Variants in PSMC5 observed in about 807,000 individuals in gnomAD.
PSMC5 encodes the protein proteasome 26S subunit, ATPase 5.
Under a neutral mutation model 49.1 loss-of-function variants are expected in PSMC5, and 11 were observed. That is an observed-to-expected ratio of 0.22 (90% confidence interval 0.14 to 0.37). The LOEUF (loss-of-function observed/expected upper bound fraction) is 0.37. Ranked by LOEUF, PSMC5 falls within the 10% of genes least tolerant of loss-of-function variation. PSMC5 has a pLI of 1.00. For missense variants in PSMC5, 229 were observed against 520.9 expected (o/e 0.44, Z 5.45); for synonymous variants, 206 against 192.2 (o/e 1.07, Z -0.59).
intron 1 of PSMC5, 62 bp from the exon 2 acceptor site, chr17:63,828,076 G>A: frequency 6.3e-7 from 1 of 1,586,930 alleles, no homozygotes; most frequent in Non-Finnish European, 8.6e-7. Flanking sequence ...AAAGTGCCCT[G>A]CAAGTGGCTT....
chr17:63,828,014 G>A lies in PSMC5; in HGVS notation c.25-124G>A, dbSNP rs993390099. 5 of 1,337,074 alleles carry A rather than the reference G, an allele frequency of 3.7e-6. No individual in the cohort carries two copies. The Middle Eastern group carries it at 9.0e-4, about 240-fold the overall frequency. 82.8% of individuals were successfully genotyped at this position (1,337,074 alleles called of 1,614,324 possible). A position where few individuals can be genotyped will look rare whatever the true frequency, so the allele number is the denominator to read the frequency against. On this transcript the variant is annotated intron_variant, in intron 1 of 11. Transcript: ENST00000310144. The stretch of plus-strand genomic sequence containing the variant: ...ATTAGAACCCAGATCCTGAGCCTCC[G>A]AAGTCCAAACTTTTTCTACTACGCA...
Position 63,830,029 on chromosome 17 carries a change from GT to G in PSMC5, c.264+82del, listed in dbSNP as rs1317110967. 1.3e-6 allele frequency: 2 copies of G among 1,561,116 alleles called. No homozygotes were observed. The highest frequency in any genetic ancestry group is 4.5e-5 in the East Asian group (2 of 44,554). On this transcript the variant is annotated intron_variant, in intron 4 of 11. Transcript: ENST00000310144. The surrounding 1 kb of genome is among the most constrained non-coding windows in gnomAD (Gnocchi z 4.0). ...TTTGTGTGTAGCCTCGGGAGACAGG[GT>G]TCTGTGTTCTGTCAAGGTATTGTGG...
chr17:63,829,384 G>T lies in PSMC5; in HGVS notation c.97-110G>T, dbSNP rs1310029009. 3 of 905,022 alleles carry T rather than the reference G, an allele frequency of 3.3e-6. No homozygotes were observed. In the African/African-American group the frequency reaches 5.0e-5, roughly 15 times the overall value. 56.1% of individuals were successfully genotyped at this position (905,022 alleles called of 1,614,324 possible). ...GGAGAATCTGAAACAACATGCAGGT[G>T]CCCTGTGCCCTTCCCTCAGCTCATT... is the stretch of plus-strand genomic sequence containing the variant. On this transcript the variant is annotated intron_variant, in intron 2 of 11. Coordinates refer to ENST00000310144, the MANE Select transcript of PSMC5 (RefSeq NM_002805.6).
intron 2 of PSMC5, chr17:63,829,224 A>T (rs1002191329): frequency 2.7e-6 from 1 of 368,496 alleles, no homozygotes; most frequent in East Asian, 4.5e-5. Context: ...TTGGTGTTAC[A>T]TGAGCCAGCT....
rs1359536777 is a variant in PSMC5, at chr17:63,831,685, G to T, written c.1081-39G>T. On this transcript the variant is annotated intron_variant, in intron 10 of 11. Coordinates refer to ENST00000310144, the MANE Select transcript of PSMC5 (RefSeq NM_002805.6). This position sits in a 1 kb window ranked among gnomAD's most constrained non-coding sequence, Gnocchi z 6.3. The stretch of plus-strand genomic sequence containing the variant: ...CTGGGCTCAAGGGCCACAGATGAGG[G>T]GCACAGCAGTGGGGCCTCAATTTCC... The T allele has an allele frequency of 6.2e-7, 1 of 1,613,062 alleles. No homozygotes were observed. The highest frequency in any genetic ancestry group is 2.2e-5 in the East Asian group (1 of 44,878).
At position 63,828,142 on chromosome 17, in the gene PSMC5, A is replaced by G; in HGVS notation, c.29A>G (p.Glu10Gly). MALDGPEQM[E>G]LEEGKAGSGL... Reference sequence around the variant, plus strand: ...AGACTCACTCTGTGTCTTCAGATGGAGCTGGAGGAGGGGAAGGCAGGCAGC... The same window carrying G: ...AGACTCACTCTGTGTCTTCAGATGGGGCTGGAGGAGGGGAAGGCAGGCAGC... Residue 10 changes from glutamate to glycine, a missense_variant, in exon 2 of 12, where the codon GAG becomes GGG. Glu to Gly is a moderately conservative substitution (Grantham distance 98). Coordinates refer to ENST00000310144, the MANE Select transcript of PSMC5 (RefSeq NM_002805.6). The G allele has an allele frequency of 6.2e-7, 1 of 1,613,718 alleles. No homozygotes were observed. Among genetic ancestry groups the G allele is most frequent in the South Asian group, 1.1e-5 (1 of 91,072 alleles).
chr17:63,828,288 CT>C lies in PSMC5; in HGVS notation c.96+82del, dbSNP rs1325563173. The C allele has an allele frequency of 4.2e-6, 6 of 1,420,130 alleles. No homozygotes were observed. In the Admixed American group the frequency reaches 9.3e-5, roughly 22 times the overall value. The allele number at this position is 1,420,130 out of a possible 1,614,324, so 88.0% of individuals were successfully genotyped here. On this transcript the variant is annotated intron_variant, in intron 2 of 11. Transcript: ENST00000310144. ...GGACTTCCACAAATCCATCTAATTC[CT>C]TTGGGAGTGCAGTGGAAGAAGCTGC...
In PSMC5 at chr17:63,830,716, A is replaced by T; in HGVS notation, c.553-93A>T. The T allele has an allele frequency of 6.7e-7, 1 of 1,502,084 alleles. No homozygotes were observed. The highest frequency in any genetic ancestry group is 8.9e-7 in the Non-Finnish European group (1 of 1,120,118). The allele number at this position is 1,502,084 out of a possible 1,614,324, so 93.0% of individuals were successfully genotyped here. A position where few individuals can be genotyped will look rare whatever the true frequency, so the allele number is the denominator to read the frequency against. On this transcript the variant is annotated intron_variant, in intron 6 of 11. Coordinates refer to ENST00000310144, the MANE Select transcript of PSMC5 (RefSeq NM_002805.6). This position sits in a 1 kb window ranked among gnomAD's most constrained non-coding sequence, Gnocchi z 4.0. ...GTTCCTTTTTTTTTTTTGTATCCCT[A>T]ACATCTAGCAAGGGACCCAGCACTC...
rs779330142 is a variant in PSMC5 at position 63,831,621 on chromosome 17, T to C, written c.1080+5T>C. ...GCATCAGGGGCTGAAGTGAAGGTAA[T>C]TGGAGTACCCACTGAAAACAGGGCA... On this transcript the variant is annotated splice_donor_5th_base_variant and intron_variant, in intron 10 of 11. Coordinates refer to ENST00000310144, the MANE Select transcript of PSMC5 (RefSeq NM_002805.6). The surrounding 1 kb of genome is among the most constrained non-coding windows in gnomAD (Gnocchi z 6.3). 9.3e-6 allele frequency: 15 copies of C among 1,613,924 alleles called. No individual in the cohort carries two copies. The Admixed American group carries it at 1.3e-4, about 14-fold the overall frequency.
In PSMC5 at chr17:63,831,312, G is replaced by T. The variant is rs773674095; in HGVS notation, c.871-15G>T. ...GAAGAGGTTTAGCTGATCCCCACTT[G>T]CTTTCTCTGCTCAGGTTATCATGGC... On this transcript the variant is annotated splice_polypyrimidine_tract_variant and intron_variant, in intron 8 of 11. Transcript: ENST00000310144. This position sits in a 1 kb window ranked among gnomAD's most constrained non-coding sequence, Gnocchi z 6.3. 3.1e-6 allele frequency: 5 copies of T among 1,613,338 alleles called. No homozygotes were observed. Among genetic ancestry groups the T allele is most frequent in the Non-Finnish European group, 8.5e-7 (1 of 1,179,718 alleles).
At position 63,829,860 on chromosome 17, in the gene PSMC5, T is replaced by C; in HGVS notation, c.175T>C (p.Leu59=). ...RNELNAKVRL[L]REELQLLQEQ... ...GTCTGTTTGCCATCTAGTTCGCCTA[T>C]TGCGGGAGGAGCTACAGCTGCTGCA... The change falls in exon 4 of 12, where the codon TTG becomes CTG. Residue 59 remains leucine (L), a synonymous_variant. Coordinates refer to ENST00000310144, the MANE Select transcript of PSMC5 (RefSeq NM_002805.6). 1 of 1,614,176 alleles carries C rather than the reference T, an allele frequency of 6.2e-7. No individual in the cohort carries two copies. Among genetic ancestry groups the C allele is most frequent in the South Asian group, 1.1e-5 (1 of 91,082 alleles).
rs150616906 is a variant in PSMC5 at position 63,831,176 on chromosome 17, C to T, written c.820C>T (p.Leu274=). The T allele has an allele frequency of 6.9e-4, 1,084 of 1,560,840 alleles. No individual in the cohort carries two copies. Among genetic ancestry groups the T allele is most frequent in the Non-Finnish European group, 8.4e-4 (969 of 1,152,614 alleles). ...GGDSEVQRTM[L]ELLNQLDGFE... is the part of the protein sequence containing the mutation. ...GGACAGTGAAGTGCAGCGCACGATG[C>T]TGGAGTTGCTCAACCAGCTCGACGG... Residue 274 remains leucine (L), a synonymous_variant, in exon 8 of 12, where the codon CTG becomes TTG. Transcript: ENST00000310144. This position sits in a 1 kb window ranked among gnomAD's most constrained non-coding sequence, Gnocchi z 6.3.
chr17:63,829,600 T>C (rs1313314531), intron 3 of PSMC5, 37 bp downstream of exon 3: 3 of 1,545,290 alleles, frequency 1.9e-6, no homozygotes, highest in Non-Finnish European at 2.6e-6. Flanking sequence ...ATGTGGGCAG[T>C]TTGTCTGAGG....
At chr17:63,829,369 AAAC>A (rs2040153009) in intron 2 of PSMC5, 122 bp from the exon 3 acceptor site, 2 of 814,950 alleles carry the variant, frequency 2.5e-6, no homozygotes, top group Non-Finnish European at 4.1e-6. Context: ...GGAGAATCTG[AAAC>A]AACATGCAGG....
chr17:63,828,336 T>G, intron 2 of PSMC5, 127 bp downstream of exon 2: 1 of 909,770 alleles, frequency 1.1e-6, no homozygotes, highest in Non-Finnish European at 1.7e-6. Context: ...TCTTGTTTGT[T>G]TCTTAGCTAG....
At position 63,830,738 on chromosome 17, in the gene PSMC5, A is replaced by C. The variant is rs1231417766; in HGVS notation, c.553-71A>C. The C allele has an allele frequency of 1.5e-5, 24 of 1,577,352 alleles. No individual in the cohort carries two copies. Among genetic ancestry groups the C allele is most frequent in the Non-Finnish European group, 2.0e-5 (23 of 1,159,960 alleles). On this transcript the variant is annotated intron_variant, in intron 6 of 11. Transcript: ENST00000310144. This position sits in a 1 kb window ranked among gnomAD's most constrained non-coding sequence, Gnocchi z 4.0. ...CCTAACATCTAGCAAGGGACCCAGCACTCGGTAAATGTTCACTGAATGAAA... is the reference window on the plus strand; with the variant it reads ...CCTAACATCTAGCAAGGGACCCAGCCCTCGGTAAATGTTCACTGAATGAAA...
chr17:63,827,651 T>G, intron 1 of PSMC5, 137 bp downstream of exon 1: 3 of 1,507,456 alleles, frequency 2.0e-6, no homozygotes, highest in Non-Finnish European at 2.7e-6. Flanking sequence ...GGACGCTGCC[T>G]GCGACCGGAT....
Position 63,829,916 on chromosome 17 carries a change from C to A in PSMC5, c.231C>A (p.Val77=). The change falls in exon 4 of 12, where the codon GTC becomes GTA. Residue 77 remains valine, a synonymous_variant. Transcript: ENST00000310144. ...QEQGSYVGEV[V]RAMDKKKVLV... is the part of the protein sequence containing the mutation. ...AGGGCTCCTATGTGGGGGAAGTAGT[C>A]CGGGCCATGGATAAGAAGAAAGTGT... 3.1e-6 allele frequency: 5 copies of A among 1,612,828 alleles called. No homozygotes were observed. Among genetic ancestry groups the A allele is most frequent in the Non-Finnish European group, 3.4e-6 (4 of 1,179,474 alleles).
rs1400995121 is a variant in PSMC5, at chr17:63,830,696, T to C, written c.553-113T>C. On this transcript the variant is annotated intron_variant, in intron 6 of 11. Coordinates refer to ENST00000310144, the MANE Select transcript of PSMC5 (RefSeq NM_002805.6). This position sits in a 1 kb window ranked among gnomAD's most constrained non-coding sequence, Gnocchi z 4.0. ...TGGATAGAAGGGACCTTGATGTTCC[T>C]TTTTTTTTTTTGTATCCCTAACATC... The C allele has an allele frequency of 2.7e-5, 1 of 36,762 alleles. No individual in the cohort carries two copies. Among genetic ancestry groups the C allele is most frequent in the Non-Finnish European group, 3.7e-5 (1 of 27,022 alleles). The allele number at this position is 36,762 out of a possible 1,614,324, so 2.3% of individuals were successfully genotyped here.
Sources: allele counts gnomAD v4.1 joint callset, GRCh38; gene constraint gnomAD v4.1.1; non-coding constraint Gnocchi (gnomAD v3.1); transcripts MANE v1.5; gene names NCBI Gene and HGNC (gene_info 2026-07-23, HGNC 2026-07-21).